Variants in PTPRG observed in about 807,000 individuals in gnomAD.
PTPRG encodes the protein receptor-type tyrosine-protein phosphatase gamma.
Under a neutral mutation model 165.3 loss-of-function variants are expected in PTPRG, and 102 were observed. The ratio of observed to expected loss-of-function variants is 0.62; its 90% confidence interval spans 0.53 to 0.73. The LOEUF is 0.73. Among genes scored for constraint, PTPRG ranks in the 30% least tolerant of loss-of-function variants. The pLI, the probability that PTPRG is intolerant of heterozygous loss-of-function variation, is 0.00. For missense variants in PTPRG, 1,866 were observed against 1,861.4 expected, an observed-to-expected ratio of 1.00 and a Z score of -0.05; for synonymous variants, 675 against 669.5, an observed-to-expected ratio of 1.01 and a Z score of -0.13.
intron 2 of PTPRG, among the ~76,000 whole-genome samples, chr3:61,841,448 A>G (rs531237191): frequency 3.0e-4 from 46 of 152,320 alleles, no homozygotes; most frequent in Non-Finnish European, 3.8e-4. Flanking sequence ...TCCTGTAGGT[A>G]TAAAGTCATT....
chr3:61,611,684 G>T (rs1291239926), intron 1 of PTPRG, among the ~76,000 whole-genome samples: 3 of 152,274 alleles, frequency 2.0e-5, no homozygotes, highest in South Asian at 2.1e-4. Context: ...AACTTTGCAG[G>T]CCATATGCCT....
chr3:61,609,366 A>G (rs1197376837), intron 1 of PTPRG, among the ~76,000 whole-genome samples: 3 of 152,138 alleles, frequency 2.0e-5, no homozygotes, highest in African/African-American at 4.8e-5. Flanking sequence ...AACTTTATAT[A>G]TGTTGTGCTG....
At chr3:62,226,789 C>G (rs1339912172) in intron 13 of PTPRG, among the ~76,000 whole-genome samples, 1 of 152,156 alleles carries the variant, frequency 6.6e-6, no homozygotes, top group African/African-American at 2.4e-5. Context: ...ACCAAGCCAT[C>G]TGTAAATTCT....
At chr3:61,637,558 C>G (rs1161003389) in intron 1 of PTPRG, among the ~76,000 whole-genome samples, 1 of 152,170 alleles carries the variant, frequency 6.6e-6, no homozygotes, top group Non-Finnish European at 1.5e-5. Flanking sequence ...AGAACGCTTT[C>G]TGTTCCTTCC....
In PTPRG at chr3:61,813,937, C is replaced by T. The variant is rs537016162; in HGVS notation, c.190+64955C>T. 2.7e-5 allele frequency among the ~76,000 whole-genome samples: 4 copies of T among 150,832 alleles called. No individual in the cohort carries two copies. The South Asian group carries it at 8.4e-4, about 32-fold the overall frequency. On this transcript the variant is annotated intron_variant, in intron 2 of 29. Transcript: ENST00000474889. ...GGTTGGAGTCTCGCTCTGTCACCAC[C>T]CAGGCTGGAGTGCAGTGGCGCAATC... is the stretch of plus-strand genomic sequence containing the variant.
chr3:62,087,891 G>A (rs1022833613), intron 5 of PTPRG, among the ~76,000 whole-genome samples: 7 of 152,002 alleles, frequency 4.6e-5, no homozygotes, highest in South Asian at 4.2e-4. Context: ...TACAATCTTC[G>A]ATCCTAAATT....
chr3:61,911,945 G>T (rs1194807586), intron 2 of PTPRG, among the ~76,000 whole-genome samples: 1 of 152,006 alleles, frequency 6.6e-6, no homozygotes, highest in Non-Finnish European at 1.5e-5. Flanking sequence ...TTTCACTCCT[G>T]GTAAATCTGT....
At chr3:61,877,367 A>T (rs1014442586) in intron 2 of PTPRG, among the ~76,000 whole-genome samples, 3 of 152,164 alleles carry the variant, frequency 2.0e-5, no homozygotes, top group African/African-American at 7.2e-5. Context: ...GGCCCTCAGA[A>T]GTTAATTTAG....
chr3:61,799,036 TA>T (rs1467733661), intron 2 of PTPRG, among the ~76,000 whole-genome samples: 1 of 152,134 alleles, frequency 6.6e-6, no homozygotes, highest in Non-Finnish European at 1.5e-5. Context: ...AATTTTTTTT[TA>T]TTTTAAAATA....
chr3:61,706,065 G>T (rs530803271), intron 1 of PTPRG, among the ~76,000 whole-genome samples: 30 of 152,288 alleles, frequency 2.0e-4, no homozygotes, highest in Admixed American at 1.9e-3. Flanking sequence ...GCAGAAAAAT[G>T]ATTGATTATG....
intron 4 of PTPRG, among the ~76,000 whole-genome samples, chr3:62,006,690 C>A (rs2041305339): frequency 6.6e-6 from 1 of 152,146 alleles, no homozygotes; most frequent in South Asian, 2.1e-4. Context: ...CAGCATCTCC[C>A]CCCTGCACCC....
At chr3:61,766,332 C>G (rs959134829) in intron 2 of PTPRG, among the ~76,000 whole-genome samples, 4 of 152,158 alleles carry the variant, frequency 2.6e-5, no homozygotes, top group African/African-American at 7.2e-5. Context: ...CTTTTTCCTA[C>G]CCTGGATTCT....
chr3:61,972,055 A>C (rs2040396846), intron 2 of PTPRG, among the ~76,000 whole-genome samples: 1 of 152,274 alleles, frequency 6.6e-6, no homozygotes, highest in Non-Finnish European at 1.5e-5. Flanking sequence ...ACTGTATATT[A>C]GAAGGTGTGC....
intron 1 of PTPRG, among the ~76,000 whole-genome samples, chr3:61,644,126 T>C (rs1240330921): frequency 6.6e-6 from 1 of 152,228 alleles, no homozygotes; most frequent in African/African-American, 2.4e-5. Flanking sequence ...TTATGTGCCC[T>C]GGAGTTCTTG....
chr3:62,041,246 A>G (rs548243385), intron 4 of PTPRG, among the ~76,000 whole-genome samples: 1 of 151,992 alleles, frequency 6.6e-6, no homozygotes, highest in East Asian at 1.9e-4. Flanking sequence ...CTTTGCAGCC[A>G]TGCTTCAGAG....
chr3:62,060,760 A>T (rs1050131803), intron 4 of PTPRG, among the ~76,000 whole-genome samples: 9 of 152,130 alleles, frequency 5.9e-5, no homozygotes, highest in Non-Finnish European at 1.5e-5. Flanking sequence ...TTTTATCTCT[A>T]TTCTTGCCTG....
At chr3:61,947,937 T>C (rs981171402) in intron 2 of PTPRG, among the ~76,000 whole-genome samples, 7 of 152,112 alleles carry the variant, frequency 4.6e-5, no homozygotes, top group Non-Finnish European at 1.0e-4. Context: ...ATGAGGGGAA[T>C]AGTTTCTTAA....
intron 1 of PTPRG, among the ~76,000 whole-genome samples, chr3:61,707,203 C>T (rs899515375): frequency 6.6e-6 from 1 of 152,138 alleles, no homozygotes; most frequent in Non-Finnish European, 1.5e-5. Context: ...CATATGCATC[C>T]TCATGCATAT....
intron 2 of PTPRG, among the ~76,000 whole-genome samples, chr3:61,885,172 T>C (rs1054364207): frequency 3.0e-5 from 4 of 134,678 alleles, no homozygotes; most frequent in African/African-American, 9.8e-5. Flanking sequence ...ACTCAATTTG[T>C]AAATTTCATA....
Sources: allele counts gnomAD v4.1 joint callset (sites outside exome capture counted in the v4.1 genomes callset), GRCh38; gene constraint gnomAD v4.1.1; transcripts MANE v1.5; gene names NCBI Gene and HGNC (gene_info 2026-07-23, HGNC 2026-07-21).